CHRNA5: variants seen among roughly 807,000 people sequenced by gnomAD.
CHRNA5 encodes neuronal acetylcholine receptor subunit alpha-5.
Under a neutral mutation model 41.2 loss-of-function variants are expected in CHRNA5, and 28 were observed. That is an observed-to-expected ratio of 0.68 (90% confidence interval 0.50 to 0.93). The LOEUF is 0.93. CHRNA5 is among the 40% of genes least tolerant of loss of function. The pLI is 0.00. For missense variants in CHRNA5, 481 were observed against 581.9 expected (o/e 0.83, Z 1.78); for synonymous variants, 188 against 205.8 (o/e 0.91, Z 0.74).
intron 2 of CHRNA5, among the ~76,000 whole-genome samples, 186 bp from the exon 3 acceptor site, chr15:78,586,459 G>T (rs1167146611): frequency 6.6e-6 from 1 of 152,228 alleles, no homozygotes; most frequent in Non-Finnish European, 1.5e-5. Flanking sequence ...TAGAGAGTAT[G>T]TTGAAAGGAG....
intron 4 of CHRNA5, 91 bp from the exon 5 acceptor site, chr15:78,589,714 G>T: frequency 9.8e-7 from 1 of 1,017,250 alleles, no homozygotes; most frequent in South Asian, 1.7e-5. Context: ...TGCAATCAAT[G>T]ATAGGCCTGC....
At chr15:78,567,556 A>C (rs965427287) in intron 1 of CHRNA5, among the ~76,000 whole-genome samples, 1 of 152,202 alleles carries the variant, frequency 6.6e-6, no homozygotes, top group Non-Finnish European at 1.5e-5. Flanking sequence ...CTTAGTTAAT[A>C]TCTCTCTCAT....
At chr15:78,587,393 G>C (rs1389174046) in intron 3 of CHRNA5, among the ~76,000 whole-genome samples, 1 of 152,188 alleles carries the variant, frequency 6.6e-6, no homozygotes, top group Non-Finnish European at 1.5e-5. Context: ...ACAAAGTCTT[G>C]GTGGAGAGGA....
At chr15:78,582,876 T>C (rs1299507792) in intron 2 of CHRNA5, among the ~76,000 whole-genome samples, 4 of 152,204 alleles carry the variant, frequency 2.6e-5, no homozygotes, top group Non-Finnish European at 5.9e-5. Flanking sequence ...GGAGAATCCC[T>C]GCATGCCACT....
intron 5 of CHRNA5, among the ~76,000 whole-genome samples, chr15:78,592,654 A>G (rs973029832): frequency 3.9e-5 from 6 of 152,242 alleles, no homozygotes; most frequent in African/African-American, 1.4e-4. Flanking sequence ...TGTGAGGAAG[A>G]TGAACAGCTT....
At chr15:78,586,484 G>A (rs1187036314) in intron 2 of CHRNA5, among the ~76,000 whole-genome samples, 161 bp from the exon 3 acceptor site, 1 of 152,190 alleles carries the variant, frequency 6.6e-6, no homozygotes, top group Non-Finnish European at 1.5e-5. Flanking sequence ...GTGAAATTAG[G>A]CTGGAAGAAA....
intron 1 of CHRNA5, among the ~76,000 whole-genome samples, chr15:78,572,954 G>C (rs2052820160): frequency 6.6e-6 from 1 of 152,188 alleles, no homozygotes; most frequent in South Asian, 2.1e-4. Context: ...TGAGCTTCTG[G>C]ATTTGAATTT....
At chr15:78,565,714 G>C in exon 1 of CHRNA5, 4 of 1,150,540 alleles carry the variant, frequency 3.5e-6, no homozygotes, top group Non-Finnish European at 4.3e-6. Context: ...GCGCGGGCGC[G>C]GGGCGATGGC....
chr15:78,572,379 TA>T (rs1338422469), intron 1 of CHRNA5, among the ~76,000 whole-genome samples: 1 of 152,204 alleles, frequency 6.6e-6, no homozygotes, highest in Non-Finnish European at 1.5e-5. Flanking sequence ...AAAACTTAAA[TA>T]AAGTCTAATG....
intron 1 of CHRNA5, among the ~76,000 whole-genome samples, chr15:78,569,316 A>G (rs2052777997): frequency 6.6e-6 from 1 of 152,162 alleles, no homozygotes; most frequent in South Asian, 2.1e-4. Context: ...TTCAGTACAG[A>G]ACTTTTTCTT....
At chr15:78,573,963 A>AT (rs979485573) in intron 1 of CHRNA5, among the ~76,000 whole-genome samples, 6,696 of 102,018 alleles carry the variant, frequency 0.066, 274 homozygotes, top group African/African-American at 0.12. Context: ...CGCCTGGCTA[A>AT]TTTTTTTTTT....
chr15:78,589,185 A>G (rs2052987491), intron 4 of CHRNA5: 1 of 152,220 alleles, frequency 6.6e-6, no homozygotes, highest in African/African-American at 2.4e-5. Flanking sequence ...TTAAACATGG[A>G]TATATTACAG....
chr15:78,570,017 T>C (rs2052786511), intron 1 of CHRNA5, among the ~76,000 whole-genome samples: 1 of 151,180 alleles, frequency 6.6e-6, no homozygotes, highest in Admixed American at 6.6e-5. Flanking sequence ...ATGGGGTTTC[T>C]CCATTTTGGC....
chr15:78,572,899 G>A (rs149912473), intron 1 of CHRNA5, among the ~76,000 whole-genome samples: 14 of 152,286 alleles, frequency 9.2e-5, no homozygotes, highest in Non-Finnish European at 1.9e-4. Context: ...GGTTACCCTT[G>A]GAAGGAAGGC....
intron 1 of CHRNA5, among the ~76,000 whole-genome samples, chr15:78,566,118 C>T (rs1596053531): frequency 1.3e-5 from 2 of 152,228 alleles, no homozygotes; most frequent in African/African-American, 4.8e-5. Flanking sequence ...TAAAAGATGC[C>T]ACTCTTGTCC....
chr15:78,576,728 G>C (rs535648907), intron 1 of CHRNA5, among the ~76,000 whole-genome samples: 14 of 151,006 alleles, frequency 9.3e-5, no homozygotes, highest in African/African-American at 3.4e-4. Context: ...GAGTCCAGGA[G>C]TTCCAGGCTG....
intron 1 of CHRNA5, among the ~76,000 whole-genome samples, chr15:78,574,818 A>AAAATAC (rs2052842399): frequency 6.6e-6 from 1 of 151,906 alleles, no homozygotes; most frequent in African/African-American, 2.4e-5. Flanking sequence ...TGTCTCTACA[A>AAAATAC]AAAAATTAGC....
chr15:78,573,858 T>C (rs548830891), intron 1 of CHRNA5, among the ~76,000 whole-genome samples: 48 of 151,136 alleles, frequency 3.2e-4, no homozygotes, highest in Admixed American at 9.9e-4. Flanking sequence ...TGGCACAATC[T>C]CGGCTCACTG....
chr15:78,594,818 G>T (rs151172211), exon 6 of CHRNA5: 1 of 152,216 alleles, frequency 6.6e-6, no homozygotes, highest in East Asian at 1.9e-4. Flanking sequence ...TACAATAATA[G>T]AATCTTAGAG....
Sources: gnomAD v4.1 joint callset for allele counts (sites outside exome capture counted in the v4.1 genomes callset) on GRCh38, gnomAD v4.1.1 for gene constraint, MANE v1.5 for transcripts, NCBI Gene and HGNC (gene_info 2026-07-23, HGNC 2026-07-21) for gene names.